Variants in COBLL1 observed in about 807,000 individuals in gnomAD.
COBLL1 encodes cordon-bleu WH2 repeat protein like 1.
COBLL1 carries 50 observed loss-of-function variants against 94.8 expected under a neutral mutation model. The observed-to-expected ratio is 0.53, with a 90% CI of 0.42 to 0.67. COBLL1 has a LOEUF of 0.67. Ranked by LOEUF, COBLL1 falls within the 30% of genes least tolerant of loss-of-function variation. The pLI is 0.00. For missense variants in COBLL1, 1,362 were observed against 1,348.7 expected (o/e 1.01, Z -0.15); for synonymous variants, 448 against 473.8 (o/e 0.95, Z 0.71).
chr2:164,782,717 T>A (rs1354734919), intron 2 of COBLL1, among the ~76,000 whole-genome samples: 5 of 152,196 alleles, frequency 3.3e-5, no homozygotes, highest in African/African-American at 9.7e-5. Context: ...CAGCCAGATA[T>A]TTTAAGACTG....
At chr2:164,798,795 G>A (rs988146179) in intron 2 of COBLL1, among the ~76,000 whole-genome samples, 18 of 151,404 alleles carry the variant, frequency 1.2e-4, no homozygotes, top group African/African-American at 4.1e-4. Flanking sequence ...CAAGGCAGGC[G>A]GATCACGAGG....
intron 7 of COBLL1, among the ~76,000 whole-genome samples, chr2:164,712,806 C>T (rs914100013): frequency 1.3e-5 from 2 of 152,010 alleles, no homozygotes; most frequent in South Asian, 4.2e-4. Context: ...TTAGCTCAAT[C>T]TCACAAGACA....
At chr2:164,728,348 T>C (rs1326004160) in intron 4 of COBLL1, 151 bp from the exon 5 acceptor site, 1 of 583,410 alleles carries the variant, frequency 1.7e-6, no homozygotes, top group Non-Finnish European at 3.0e-6. Flanking sequence ...TTTTGATTAA[T>C]GTTACTTCCT....
chr2:164,685,967 AG>A lies in COBLL1; in HGVS notation c.3365del (p.Pro1122LeufsTer76). The A allele has an allele frequency of 6.2e-7, 1 of 1,608,408 alleles. No individual in the cohort carries two copies. Among genetic ancestry groups the A allele is most frequent in the Non-Finnish European group, 8.5e-7 (1 of 1,175,730 alleles). On this transcript the variant is annotated frameshift_variant, in exon 14 of 14. Coordinates refer to ENST00000652658, the MANE Select transcript of COBLL1 (RefSeq NM_001365672.2). LOFTEE classifies it high-confidence loss of function. The stretch of plus-strand genomic sequence containing the variant: ...ACATTTAATGGCCGTCCTGGGCATC[AG>A]GGGACATGGAATGGCTGAGTCTTGA... ...GRSRLSHSMS[P>X]DAQDGH is the part of the protein sequence containing the mutation.
At chr2:164,787,910 C>T (rs1471074078) in intron 2 of COBLL1, among the ~76,000 whole-genome samples, 1 of 152,140 alleles carries the variant, frequency 6.6e-6, no homozygotes, top group Non-Finnish European at 1.5e-5. Flanking sequence ...TTCTAAATTT[C>T]TACAACCAAA....
downstream of COBLL1, among the ~76,000 whole-genome samples, chr2:164,680,024 C>T (rs995185582): frequency 6.6e-6 from 1 of 151,792 alleles, no homozygotes; most frequent in Non-Finnish European, 1.5e-5. Flanking sequence ...AACCATAACA[C>T]CCTTAATTAA....
At chr2:164,732,165 T>A (rs909165733) in intron 3 of COBLL1, among the ~76,000 whole-genome samples, 4 of 152,088 alleles carry the variant, frequency 2.6e-5, no homozygotes, top group African/African-American at 4.8e-5. Context: ...GAAAAATAAA[T>A]AAATCAAAGG....
chr2:164,829,433 A>C (rs1682954487), intron 2 of COBLL1, among the ~76,000 whole-genome samples: 1 of 152,186 alleles, frequency 6.6e-6, no homozygotes, highest in African/African-American at 2.4e-5. Flanking sequence ...ATCTTCATCC[A>C]CATCCCCAAA....
chr2:164,785,568 G>C (rs1204610521), intron 2 of COBLL1, among the ~76,000 whole-genome samples: 1 of 152,096 alleles, frequency 6.6e-6, no homozygotes, highest in Non-Finnish European at 1.5e-5. Flanking sequence ...GATGAGCCAG[G>C]AACAGACACA....
intron 13 of COBLL1, 138 bp from the exon 14 acceptor site, chr2:164,686,170 C>A (rs1014506523): frequency 1.2e-5 from 6 of 492,256 alleles, no homozygotes; most frequent in Non-Finnish European, 2.2e-5. Context: ...AAATTATAAT[C>A]AAGAATAAAT....
intron 5 of COBLL1, chr2:164,723,146 G>T (rs1685541450): frequency 6.6e-6 from 1 of 152,198 alleles, no homozygotes; most frequent in Admixed American, 6.5e-5. Context: ...TTACTGGGTA[G>T]AGGCCAGTGA....
Position 164,688,485 on chromosome 2 carries a change from C to T in COBLL1, c.3301-2453G>A, listed in dbSNP as rs372253262. On this transcript the variant is annotated intron_variant, in intron 13 of 13. Transcript: ENST00000652658. The stretch of plus-strand genomic sequence containing the variant: ...ATGTTTTTGAATGAGGAACATATTA[C>T]ACTTATAATACAGATACTTAAAAAA... Among the ~76,000 whole-genome samples, 3 of 152,046 alleles carry T rather than the reference C, an allele frequency of 2.0e-5. No homozygotes were observed. In the South Asian group the frequency reaches 6.2e-4, roughly 32 times the overall value.
intron 2 of COBLL1, among the ~76,000 whole-genome samples, chr2:164,781,387 T>C (rs567485036): frequency 1.3e-5 from 2 of 152,212 alleles, no homozygotes. Context: ...ACTAACAAGT[T>C]GGAGAAGCAT....
chr2:164,755,348 T>G (rs1032805363), intron 2 of COBLL1, among the ~76,000 whole-genome samples: 9 of 152,158 alleles, frequency 5.9e-5, no homozygotes, highest in Admixed American at 5.9e-4. Context: ...CAGAAAAATT[T>G]TTTGAGTCAA....
intron 2 of COBLL1, among the ~76,000 whole-genome samples, chr2:164,777,009 C>T (rs1433842165): frequency 6.6e-6 from 1 of 152,028 alleles, no homozygotes; most frequent in Non-Finnish European, 1.5e-5. Flanking sequence ...TTAATGTTAA[C>T]ATCTTATATA....
intron 13 of COBLL1, 99 bp from the exon 14 acceptor site, chr2:164,686,131 T>C: frequency 3.6e-6 from 2 of 557,406 alleles, no homozygotes; most frequent in East Asian, 3.1e-5. Context: ...TTCTGCTTAA[T>C]TGTAAATGAT....
At chr2:164,738,721 A>AT (rs1033599477) in intron 3 of COBLL1, among the ~76,000 whole-genome samples, 21 of 152,056 alleles carry the variant, frequency 1.4e-4, no homozygotes, top group Admixed American at 6.5e-4. Context: ...TACATTTCAC[A>AT]TTTTTTTTCA....
At chr2:164,703,687 A>G (rs533604286) in intron 9 of COBLL1, 54 of 356,844 alleles carry the variant, frequency 1.5e-4, no homozygotes, top group Middle Eastern at 1.1e-3. Flanking sequence ...TTTGGAATAT[A>G]AATTATAAAA....
intron 2 of COBLL1, among the ~76,000 whole-genome samples, chr2:164,773,490 G>T (rs570086666): frequency 1.3e-5 from 2 of 151,954 alleles, no homozygotes; most frequent in South Asian, 4.2e-4. Flanking sequence ...AATGCATTAA[G>T]AAAAAAATTC....
Sources: allele counts gnomAD v4.1 joint callset (sites outside exome capture counted in the v4.1 genomes callset), GRCh38; gene constraint gnomAD v4.1.1; transcripts MANE v1.5; gene names NCBI Gene and HGNC (gene_info 2026-07-23, HGNC 2026-07-21).